The following LRP1B variants were observed in gnomAD, a reference collection of about 807,000 sequenced individuals.
LRP1B encodes the protein low-density lipoprotein receptor-related protein 1B.
A neutral mutation model predicts 556.6 loss-of-function variants in LRP1B; 217 were observed. The observed-to-expected ratio is 0.39, with a 90% CI of 0.35 to 0.44. The LOEUF (loss-of-function observed/expected upper bound fraction) is 0.44, where lower values mean the gene tolerates loss of function less well. Among genes scored for constraint, LRP1B ranks in the 20% least tolerant of loss-of-function variants. The probability of loss-of-function intolerance (pLI) is 1.00; values close to 1 mark genes in which losing one functional copy is unlikely to be tolerated. For missense variants in LRP1B, 5,053 were observed against 5,620.8 expected (o/e 0.90, Z 3.23); for synonymous variants, 2,047 against 1,865.8 (o/e 1.10, Z -2.50).
intron 15 of LRP1B, 63 bp downstream of exon 15, chr2:141,005,272 T>C: frequency 6.4e-7 from 1 of 1,551,862 alleles, no homozygotes; most frequent in Non-Finnish European, 8.7e-7. Flanking sequence ...CTTTAGTTTC[T>C]TCTGCTTCTA....
chr2:141,842,303 A>C (rs1235454785), intron 1 of LRP1B, among the ~76,000 whole-genome samples: 3 of 151,962 alleles, frequency 2.0e-5, no homozygotes, highest in Non-Finnish European at 4.4e-5. Context: ...ATTTAGGTAA[A>C]ATTTGAGATT....
chr2:141,809,675 A>G (rs1696273463), intron 2 of LRP1B, among the ~76,000 whole-genome samples: 2 of 152,058 alleles, frequency 1.3e-5, no homozygotes, highest in African/African-American at 4.8e-5. Context: ...ATTCATGTAT[A>G]CTAAGGGTTT....
chr2:140,828,104 C>T (rs1412573631), intron 31 of LRP1B, among the ~76,000 whole-genome samples: 1 of 149,630 alleles, frequency 6.7e-6, no homozygotes, highest in Non-Finnish European at 1.5e-5. Context: ...ATCCATCCTA[C>T]AAAAAAAAAC....
At chr2:140,851,965 AC>A (rs1259679022) in intron 27 of LRP1B, among the ~76,000 whole-genome samples, 182 bp from the exon 28 acceptor site, 1 of 152,258 alleles carries the variant, frequency 6.6e-6, no homozygotes, top group East Asian at 1.9e-4. Flanking sequence ...TAATAAAAAA[AC>A]ATTATTTCAA....
intron 35 of LRP1B, among the ~76,000 whole-genome samples, chr2:140,757,370 T>A (rs1350302996): frequency 6.6e-6 from 1 of 152,204 alleles, no homozygotes; most frequent in African/African-American, 2.4e-5. Context: ...TTATTTGTAA[T>A]AGTCAACAAA....
intron 23 of LRP1B, among the ~76,000 whole-genome samples, chr2:140,891,710 T>A (rs1693804319): frequency 6.6e-6 from 1 of 152,126 alleles, no homozygotes; most frequent in Non-Finnish European, 1.5e-5. Flanking sequence ...TTCTGAAGTA[T>A]AATATACAGG....
intron 11 of LRP1B, among the ~76,000 whole-genome samples, chr2:141,048,444 T>C (rs568775482): frequency 3.0e-4 from 46 of 152,232 alleles, no homozygotes; most frequent in Non-Finnish European, 5.7e-4. Flanking sequence ...TATATGTACC[T>C]ATAAATAAAA....
At chr2:140,235,396 C>A (rs1182621312) in intron 89 of LRP1B, among the ~76,000 whole-genome samples, 1 of 151,102 alleles carries the variant, frequency 6.6e-6, no homozygotes, top group Non-Finnish European at 1.5e-5. Flanking sequence ...ACTGATTGCA[C>A]CATGCATATA....
In LRP1B at chr2:141,743,723, A is replaced by G. The variant is rs1447534713; in HGVS notation, c.205+66556T>C. ...CTGGTTTTGGAGTTTCTCATGGCTC[A>G]ATCTTGGTATGTTGCACGTGTCTAG... On this transcript the variant is annotated intron_variant, in intron 2 of 90. Coordinates refer to ENST00000389484, the MANE Select transcript of LRP1B (RefSeq NM_018557.3). Among the ~76,000 whole-genome samples, 3 of 151,936 alleles carry G rather than the reference A, an allele frequency of 2.0e-5. No homozygotes were observed. In the East Asian group the frequency reaches 5.8e-4, roughly 29 times the overall value.
chr2:140,953,713 T>C (rs1237444787), intron 18 of LRP1B, among the ~76,000 whole-genome samples: 1 of 152,122 alleles, frequency 6.6e-6, no homozygotes, highest in East Asian at 1.9e-4. Flanking sequence ...GAGAAAAATA[T>C]ATGAATAACA....
intron 1 of LRP1B, among the ~76,000 whole-genome samples, chr2:142,039,647 G>T: frequency 6.6e-6 from 1 of 151,536 alleles, no homozygotes; most frequent in East Asian, 1.9e-4. Context: ...TATTAGAGCA[G>T]TTGGATGTGG....
At chr2:140,454,921 C>T (rs975337312) in intron 62 of LRP1B, among the ~76,000 whole-genome samples, 3 of 152,100 alleles carry the variant, frequency 2.0e-5, no homozygotes, top group Non-Finnish European at 2.9e-5. Flanking sequence ...ACTGTAGTGA[C>T]TCAGGCAGGC....
chr2:140,621,263 G>A (rs1333820933), intron 41 of LRP1B, among the ~76,000 whole-genome samples: 2 of 151,158 alleles, frequency 1.3e-5, no homozygotes, highest in East Asian at 3.9e-4. Context: ...GTGGGCGCCT[G>A]TAGTCCCAGG....
At chr2:141,532,727 T>C (rs996737182) in intron 2 of LRP1B, among the ~76,000 whole-genome samples, 4 of 152,142 alleles carry the variant, frequency 2.6e-5, no homozygotes, top group African/African-American at 9.7e-5. Context: ...GGCTCACACC[T>C]GTAATCCCAG....
intron 25 of LRP1B, among the ~76,000 whole-genome samples, chr2:140,870,644 G>C (rs1693099793): frequency 6.6e-6 from 1 of 151,848 alleles, no homozygotes; most frequent in South Asian, 2.1e-4. Flanking sequence ...TTTTCTATCA[G>C]GTCTGACAAT....
intron 7 of LRP1B, among the ~76,000 whole-genome samples, chr2:141,148,219 T>G (rs1701833689): frequency 1.3e-5 from 2 of 152,218 alleles, no homozygotes; most frequent in African/African-American, 4.8e-5. Context: ...CATCTGTCTA[T>G]GTACTAGGAT....
At chr2:142,120,981 TACCCATTTA>T (rs1160022906) in intron 1 of LRP1B, among the ~76,000 whole-genome samples, 1 of 152,196 alleles carries the variant, frequency 6.6e-6, no homozygotes, top group Non-Finnish European at 1.5e-5. Context: ...AAATGGAATG[TACCCATTTA>T]AAATAGCCTG....
intron 2 of LRP1B, among the ~76,000 whole-genome samples, chr2:141,682,858 T>C (rs899141654): frequency 2.6e-5 from 4 of 152,188 alleles, no homozygotes; most frequent in Non-Finnish European, 5.9e-5. Context: ...AGATTCATAA[T>C]GTGAATAACA....
chr2:140,418,965 G>C (rs1341634014), intron 66 of LRP1B, among the ~76,000 whole-genome samples: 1 of 152,078 alleles, frequency 6.6e-6, no homozygotes, highest in East Asian at 1.9e-4. Context: ...TAAATCTCTG[G>C]ATTTTAAAAT....
Sources: gnomAD v4.1 joint callset for allele counts (sites outside exome capture counted in the v4.1 genomes callset) on GRCh38, gnomAD v4.1.1 for gene constraint, MANE v1.5 for transcripts, NCBI Gene and HGNC (gene_info 2026-07-23, HGNC 2026-07-21) for gene names.